FAM149A: variants seen among roughly 807,000 people sequenced by gnomAD.
FAM149A encodes the protein family with sequence similarity 149 member A.
Under a neutral mutation model 78.2 loss-of-function variants are expected in FAM149A, and 71 were observed. The observed-to-expected ratio is 0.91, with a 90% CI of 0.75 to 1.11. The LOEUF (loss-of-function observed/expected upper bound fraction) is 1.11, where lower values mean the gene tolerates loss of function less well. Among genes scored for constraint, FAM149A ranks in the 50% least tolerant of loss-of-function variants. FAM149A has a pLI of 0.00. For synonymous variants in FAM149A, 446 were observed against 410.5 expected (o/e 1.09, Z -1.04); for missense variants, 1,036 against 971.0 (o/e 1.07, Z -0.89).
At chr4:186,150,048 G>A (rs1012496901) in intron 3 of FAM149A, among the ~76,000 whole-genome samples, 4 of 152,172 alleles carry the variant, frequency 2.6e-5, no homozygotes, top group African/African-American at 9.6e-5. Flanking sequence ...TGCTGGAAAA[G>A]TAAAAGCTGT....
intron 1 of FAM149A, among the ~76,000 whole-genome samples, chr4:186,106,372 ATG>A (rs1357130169): frequency 2.0e-5 from 3 of 152,172 alleles, no homozygotes. Flanking sequence ...CTCTTTTAAA[ATG>A]TGTTTTAGAA....
Position 186,162,456 on chromosome 4 carries a change from C to A in FAM149A, c.1576-389C>A, listed in dbSNP as rs1734683167. 3.3e-5 allele frequency among the ~76,000 whole-genome samples: 5 copies of A among 152,194 alleles called. No individual in the cohort carries two copies. In the South Asian group the frequency reaches 1.0e-3, roughly 32 times the overall value. ...GACCACACCAGTGCTCCCTTGCCCTCCAACCTCCGGGATCTCAGAGCATGG... is the reference window on the plus strand; with the variant it reads ...GACCACACCAGTGCTCCCTTGCCCTACAACCTCCGGGATCTCAGAGCATGG... On this transcript the variant is annotated intron_variant, in intron 8 of 13. Coordinates refer to ENST00000389354, the MANE Select transcript of FAM149A (RefSeq NM_001367768.3).
chr4:186,138,246 T>TGC (rs745378333), intron 1 of FAM149A, among the ~76,000 whole-genome samples: 3 of 150,950 alleles, frequency 2.0e-5, no homozygotes, highest in Admixed American at 2.0e-4. Context: ...AGTGAGTGAG[T>TGC]GTGTGTGTGT....
chr4:186,144,782 C>A lies in FAM149A; in HGVS notation c.567-4391C>A. 1 of 975,572 alleles carries A rather than the reference C, an allele frequency of 1.0e-6. No homozygotes were observed. Among genetic ancestry groups the A allele is most frequent in the Non-Finnish European group, 1.2e-6 (1 of 821,448 alleles). The allele number at this position is 975,572 out of a possible 1,614,324, so 60.4% of individuals were successfully genotyped here. A position where few individuals can be genotyped will look rare whatever the true frequency, so the allele number is the denominator to read the frequency against. On this transcript the variant is annotated intron_variant, in intron 1 of 13. Transcript: ENST00000389354. The surrounding 1 kb of genome is among the most constrained non-coding windows in gnomAD (Gnocchi z 4.2). Reference sequence around the variant, plus strand: ...GATGGGCGGGCGCAGCCGGGATTAGCTGGCGGGCGAGGGCGCAGCGCAGGG... The same window carrying A: ...GATGGGCGGGCGCAGCCGGGATTAGATGGCGGGCGAGGGCGCAGCGCAGGG...
At chr4:186,140,385 C>T (rs1293306865) in intron 1 of FAM149A, among the ~76,000 whole-genome samples, 1 of 151,284 alleles carries the variant, frequency 6.6e-6, no homozygotes, top group Non-Finnish European at 1.5e-5. Context: ...CTAAGTGATC[C>T]TCCCACTTCA....
At position 186,105,013 on chromosome 4, in the gene FAM149A, C is replaced by T. The variant is rs368256839; in HGVS notation, c.-64C>T. The T allele has an allele frequency of 4.0e-6, 5 of 1,245,458 alleles. No individual in the cohort carries two copies. 77.2% of individuals were successfully genotyped at this position (1,245,458 alleles called of 1,614,324 possible). ...CTCCTCGCCCCGGCCCGGGCCGCCT[C>T]GGCCGGATCTCCGCGGTCTGAACTC... On this transcript the variant is annotated 5_prime_UTR_variant, in exon 1 of 14. Coordinates refer to ENST00000389354, the MANE Select transcript of FAM149A (RefSeq NM_001367768.3).
At chr4:186,123,050 A>G (rs2099316763) in intron 1 of FAM149A, 1 of 210,650 alleles carries the variant, frequency 4.7e-6, no homozygotes, top group Non-Finnish European at 8.2e-6. Context: ...ATTTTGTTAC[A>G]AGGGAATAAG....
At chr4:186,120,896 C>G (rs2099315793) in intron 1 of FAM149A, among the ~76,000 whole-genome samples, 1 of 112,528 alleles carries the variant, frequency 8.9e-6, no homozygotes, top group Admixed American at 1.1e-4. Context: ...CTCTGTTGTC[C>G]AGGCTGGAGT....
intron 1 of FAM149A, among the ~76,000 whole-genome samples, chr4:186,131,611 T>C (rs1442951606): frequency 3.3e-5 from 5 of 152,228 alleles, no homozygotes; most frequent in Non-Finnish European, 5.9e-5. Flanking sequence ...TTTCAATAAA[T>C]AGTGCGGAAC....
At chr4:186,130,901 G>C (rs185539503) in intron 1 of FAM149A, among the ~76,000 whole-genome samples, 1 of 152,272 alleles carries the variant, frequency 6.6e-6, no homozygotes, top group East Asian at 1.9e-4. Flanking sequence ...GCAGATATTG[G>C]TGAAAAGATG....
chr4:186,133,044 G>GT, intron 1 of FAM149A: 5 of 985,408 alleles, frequency 5.1e-6, no homozygotes, highest in Non-Finnish European at 6.0e-6. Context: ...GCTTAGGAAT[G>GT]TGAGTAAAGG....
intron 1 of FAM149A, among the ~76,000 whole-genome samples, chr4:186,148,410 T>C (rs1029989184): frequency 6.6e-6 from 1 of 152,244 alleles, no homozygotes; most frequent in African/African-American, 2.4e-5. Context: ...TGTTAATATA[T>C]GTTTTATTTG....
At chr4:186,123,741 C>A in intron 1 of FAM149A, 1 of 660,478 alleles carries the variant, frequency 1.5e-6, no homozygotes, top group Non-Finnish European at 1.9e-6. Context: ...TCTTATGTTT[C>A]CTCTAAGCAT....
chr4:186,138,016 A>G (rs1413399573), intron 1 of FAM149A, among the ~76,000 whole-genome samples: 1 of 152,222 alleles, frequency 6.6e-6, no homozygotes, highest in East Asian at 1.9e-4. Context: ...TGTAAAATAT[A>G]TTTAAATGTA....
chr4:186,136,970 C>CTT (rs1561396368), intron 1 of FAM149A, among the ~76,000 whole-genome samples: 39 of 76,112 alleles, frequency 5.1e-4, no homozygotes, highest in African/African-American at 1.9e-3. Context: ...CTCTTTCTCT[C>CTT]TCTCTTTCTC....
intron 8 of FAM149A, chr4:186,158,378 G>A: frequency 3.3e-6 from 4 of 1,204,912 alleles, no homozygotes; most frequent in Non-Finnish European, 4.2e-6. Flanking sequence ...TGCAACAAGG[G>A]AGCTCACTCA....
intron 1 of FAM149A, among the ~76,000 whole-genome samples, chr4:186,142,209 G>C (rs540757074): frequency 2.0e-5 from 3 of 152,324 alleles, no homozygotes; most frequent in Admixed American, 2.0e-4. Context: ...GCCTGGCTCC[G>C]CCACCTCTCT....
chr4:186,105,870 C>T (rs987826061), intron 1 of FAM149A, among the ~76,000 whole-genome samples: 3 of 152,194 alleles, frequency 2.0e-5, no homozygotes, highest in African/African-American at 7.2e-5. Context: ...CAGAGTGAAT[C>T]CTAAGGGGCC....
chr4:186,136,998 C>CTCTCTCTCTCTT (rs1561396543), intron 1 of FAM149A, among the ~76,000 whole-genome samples: 13 of 139,032 alleles, frequency 9.4e-5, no homozygotes, highest in African/African-American at 3.2e-4. Flanking sequence ...CTCTCTCTCT[C>CTCTCTCTCTCTT]TCTCTCTCTC....
Sources: allele counts gnomAD v4.1 joint callset (sites outside exome capture counted in the v4.1 genomes callset), GRCh38; gene constraint gnomAD v4.1.1; non-coding constraint Gnocchi (gnomAD v3.1); transcripts MANE v1.5; gene names NCBI Gene and HGNC (gene_info 2026-07-23, HGNC 2026-07-21).